SIRT4: variants seen among roughly 807,000 people sequenced by gnomAD.
SIRT4 encodes the protein sirtuin 4.
Under a neutral mutation model 26.1 loss-of-function variants are expected in SIRT4, and 23 were observed. That is an observed-to-expected ratio of 0.88 (90% CI 0.63 to 1.25). The LOEUF (loss-of-function observed/expected upper bound fraction) is 1.25, where lower values mean the gene tolerates loss of function less well. SIRT4 is among the 50% of genes most tolerant of loss of function. The pLI is 0.00. For missense variants in SIRT4, 361 were observed against 405.4 expected (o/e 0.89, Z 0.94); for synonymous variants, 155 against 158.4 (o/e 0.98, Z 0.16).
the SIRT4 span, among the ~76,000 whole-genome samples, chr12:120,295,235 A>G: frequency 7.7e-6 from 1 of 130,504 alleles, no homozygotes. Context: ...TTTTTTTGAG[A>G]CTGAGTTTCG....
chr12:120,296,292 A>T, the SIRT4 span, among the ~76,000 whole-genome samples: 17 of 150,884 alleles, frequency 1.1e-4, no homozygotes, highest in African/African-American at 3.9e-4. Flanking sequence ...ATCTCGGCTC[A>T]CTGCGAGCTC....
the SIRT4 span, among the ~76,000 whole-genome samples, chr12:120,292,494 G>C: frequency 1.3e-5 from 2 of 152,142 alleles, no homozygotes; most frequent in African/African-American, 4.8e-5. Flanking sequence ...ATCCCAGCTA[G>C]TCGGGAGGCT....
At chr12:120,293,796 C>T in the SIRT4 span, among the ~76,000 whole-genome samples, 5 of 152,080 alleles carry the variant, frequency 3.3e-5, no homozygotes, top group African/African-American at 1.2e-4. Context: ...CCCTTCTCCT[C>T]CAGCCCCCGT....
the SIRT4 span, among the ~76,000 whole-genome samples, chr12:120,294,360 A>G: frequency 0.02 from 2,996 of 150,390 alleles, 38 homozygotes; most frequent in Middle Eastern, 0.031. Flanking sequence ...CTGGAGCGCA[A>G]TGGCGAGATC....
At chr12:120,312,420 G>A (rs1565872950) in intron 2 of SIRT4, 36 bp from the exon 3 acceptor site, 2 of 1,567,826 alleles carry the variant, frequency 1.3e-6, no homozygotes, top group Non-Finnish European at 8.6e-7. Context: ...GCCTCCCAAG[G>A]GCATACTGTT....
chr12:120,304,084 C>T lies in SIRT4; in HGVS notation c.497+26C>T, dbSNP rs185112783. On this transcript the variant is annotated intron_variant, in intron 2 of 3. Coordinates refer to ENST00000202967, the MANE Select transcript of SIRT4 (RefSeq NM_012240.3). ...GTGCAGGAGCTGTACACGGTTTGAA[C>T]GCAAACCCGTGTGTTGTTTTGGGAG... 3,178 of 1,596,500 alleles carry T rather than the reference C, an allele frequency of 2.0e-3. 7 individuals are homozygous for T. Among genetic ancestry groups the T allele is most frequent in the Non-Finnish European group, 2.4e-3 (2,867 of 1,176,468 alleles).
At chr12:120,310,141 T>G (rs1354195786) in intron 2 of SIRT4, among the ~76,000 whole-genome samples, 3 of 151,944 alleles carry the variant, frequency 2.0e-5, no homozygotes, top group Non-Finnish European at 2.9e-5. Context: ...ATTAAAAAAT[T>G]TTTTTTGGCT....
chr12:120,305,212 CTTTTA>C (rs1872705805), intron 2 of SIRT4, among the ~76,000 whole-genome samples: 1 of 137,450 alleles, frequency 7.3e-6, no homozygotes, highest in Non-Finnish European at 1.5e-5. Context: ...GGGTGATTTT[CTTTTA>C]TTTTCTTTTG....
rs1385065184 is a variant in SIRT4 at position 120,312,608 on chromosome 12, T to C, written c.650T>C (p.Val217Ala). ...LSEEQVRSFQ[V>A]PTCVQCGGHL... ...GAGGAGCAAGTCCGGAGCTTTCAGG[T>C]CCCAACCTGCGTTCAATGTGGAGGC... Residue 217 changes from valine to alanine, a missense_variant, in exon 3 of 4, where the codon GTC (valine) becomes GCC (alanine). Coordinates refer to ENST00000202967, the MANE Select transcript of SIRT4 (RefSeq NM_012240.3). 3 of 1,614,142 alleles carry C rather than the reference T, an allele frequency of 1.9e-6. No homozygotes were observed. In the South Asian group the frequency reaches 3.3e-5, roughly 18 times the overall value.
the SIRT4 span, among the ~76,000 whole-genome samples, chr12:120,293,423 T>C: frequency 9.9e-5 from 15 of 152,204 alleles, no homozygotes; most frequent in Non-Finnish European, 4.4e-5. Context: ...AGCTAGGTTT[T>C]TGTTGATATG....
Position 120,303,996 on chromosome 12 carries a change from G to A in SIRT4, c.435G>A (p.Val145=), listed in dbSNP as rs1872646371. Residue 145 remains valine (V), a synonymous_variant, in exon 2 of 4, where the codon GTG becomes GTA. Coordinates refer to ENST00000202967, the MANE Select transcript of SIRT4 (RefSeq NM_012240.3). ...TGTACTGGTTGGTGACCCAAAATGT[G>A]GATGCTTTGCACACCAAGGCGGGGA... is the stretch of plus-strand genomic sequence containing the variant. ...GKLYWLVTQN[V]DALHTKAGSR... The A allele has an allele frequency of 6.2e-7, 1 of 1,613,990 alleles. No homozygotes were observed. Among genetic ancestry groups the A allele is most frequent in the African/African-American group, 1.3e-5 (1 of 75,052 alleles).
intron 2 of SIRT4, among the ~76,000 whole-genome samples, chr12:120,305,110 T>C (rs539563826): frequency 1.7e-3 from 262 of 151,076 alleles, no homozygotes; most frequent in African/African-American, 6.0e-3. Context: ...GCTGAGATCA[T>C]GAGCTGAGAT....
chr12:120,294,220 C>T, the SIRT4 span, among the ~76,000 whole-genome samples: 1 of 151,910 alleles, frequency 6.6e-6, no homozygotes, highest in East Asian at 1.9e-4. Flanking sequence ...TCTCAAACTC[C>T]TGACCTCACG....
the SIRT4 span, among the ~76,000 whole-genome samples, chr12:120,292,499 G>A: frequency 1.3e-5 from 2 of 152,344 alleles, no homozygotes; most frequent in Non-Finnish European, 2.9e-5. Context: ...AGCTAGTCGG[G>A]AGGCTGAGGC....
At chr12:120,299,644 C>G (rs1431525889), upstream of SIRT4, among the ~76,000 whole-genome samples, 2 of 152,042 alleles carry the variant, frequency 1.3e-5, no homozygotes, top group African/African-American at 4.8e-5. Context: ...TTCCATCAGA[C>G]TGGTCCAACA....
chr12:120,291,987 T>C, the SIRT4 span: 1 of 152,184 alleles, frequency 6.6e-6, no homozygotes, highest in African/African-American at 2.4e-5. Flanking sequence ...TGTGTCCGTG[T>C]ATACGACGTG....
chr12:120,292,882 T>C, the SIRT4 span, among the ~76,000 whole-genome samples: 1 of 152,208 alleles, frequency 6.6e-6, no homozygotes, highest in African/African-American at 2.4e-5. Flanking sequence ...GCTTTTACCT[T>C]AAAAGTAGAG....
chr12:120,303,936 C>G lies in SIRT4; in HGVS notation c.375C>G (p.His125Gln), dbSNP rs1872643056. Reference sequence around the variant, plus strand: ...CCTCCCACCAGCCTAACCCTGCACACTGGGCTTTGAGCACCTGGGAGAAAC... The same window carrying G: ...CCTCCCACCAGCCTAACCCTGCACAGTGGGCTTTGAGCACCTGGGAGAAAC... ...QFSSHQPNPA[H>Q]WALSTWEKLG... The change falls in exon 2 of 4, where the codon CAC (histidine) becomes CAG (glutamine). Residue 125 changes from histidine to glutamine, a missense_variant. Transcript: ENST00000202967. 1.2e-6 allele frequency: 2 copies of G among 1,614,106 alleles called. No homozygotes were observed. Among genetic ancestry groups the G allele is most frequent in the African/African-American group, 1.3e-5 (1 of 74,950 alleles).
rs1268602469 is a variant in SIRT4, at chr12:120,312,684, G to A, written c.726G>A (p.Lys242=). 6.2e-6 allele frequency: 10 copies of A among 1,613,984 alleles called. No homozygotes were observed. The highest frequency in any genetic ancestry group is 1.7e-5 in the Admixed American group (1 of 59,962). The change falls in exon 3 of 4, where the codon AAG becomes AAA. Residue 242 remains lysine, a synonymous_variant. Coordinates refer to ENST00000202967, the MANE Select transcript of SIRT4 (RefSeq NM_012240.3). Reference sequence around the variant, plus strand: ...TCGGGGACACAGTGAACCCTGACAAGGTTGATTTTGTGCACAAGCGTGTAA... The same window carrying A: ...TCGGGGACACAGTGAACCCTGACAAAGTTGATTTTGTGCACAAGCGTGTAA... ...VFFGDTVNPD[K]VDFVHKRVKE...
Sources: allele counts gnomAD v4.1 joint callset (sites outside exome capture counted in the v4.1 genomes callset), GRCh38; gene constraint gnomAD v4.1.1; transcripts MANE v1.5; gene names NCBI Gene and HGNC (gene_info 2026-07-23, HGNC 2026-07-21).